Variants in SLC35E3 observed in about 807,000 individuals in gnomAD.
SLC35E3 encodes bladder cancer-overexpressed gene 1 protein.
In SLC35E3, 28 loss-of-function variants were observed where a neutral mutation model predicts 30.8. That is an observed-to-expected ratio of 0.91 (90% CI 0.67 to 1.25). The LOEUF (loss-of-function observed/expected upper bound fraction) is 1.25, where lower values mean the gene tolerates loss of function less well. SLC35E3 is among the 50% of genes most tolerant of loss of function. SLC35E3 has a pLI of 0.00. For missense variants in SLC35E3, 365 were observed against 375.4 expected, an observed-to-expected ratio of 0.97 and a Z score of 0.23; for synonymous variants, 146 against 149.2, an observed-to-expected ratio of 0.98 and a Z score of 0.16.
At position 68,746,731 on chromosome 12, in the gene SLC35E3, G is replaced by A; in HGVS notation, c.354G>A (p.Gln118=). Residue 118 remains glutamine (Q), a synonymous_variant, in exon 1 of 5, where the codon CAG becomes CAA. Transcript: ENST00000398004. ...CCACGCCGGTGATCATAGCCATCCA[G>A]ACCTTCTGCTACCAGAAAACCTTCT... ...AMTTPVIIAI[Q]TFCYQKTFST... 6.2e-7 allele frequency: 1 copy of A among 1,607,046 alleles called. No homozygotes were observed. The highest frequency in any genetic ancestry group is 8.5e-7 in the Non-Finnish European group (1 of 1,175,728).
chr12:68,759,787 G>A (rs540849150), intron 4 of SLC35E3, among the ~76,000 whole-genome samples: 159 of 152,006 alleles, frequency 1.0e-3, no homozygotes, highest in African/African-American at 3.8e-3. Context: ...TTATGTAATA[G>A]GTGACCTTTT....
At chr12:68,763,515 G>A (rs1448906436) in intron 4 of SLC35E3, among the ~76,000 whole-genome samples, 20 of 151,916 alleles carry the variant, frequency 1.3e-4, no homozygotes, top group Admixed American at 7.2e-4. Context: ...TCAGCCTCCC[G>A]AGTAGCCGGT....
intron 3 of SLC35E3, among the ~76,000 whole-genome samples, chr12:68,753,101 A>C (rs1292115156): frequency 2.2e-4 from 8 of 36,236 alleles, no homozygotes; most frequent in African/African-American, 5.0e-4. Context: ...AGCTGGGATC[A>C]CACCTGTCTC....
At chr12:68,754,714 A>G (rs1205177822) in intron 3 of SLC35E3, among the ~76,000 whole-genome samples, 1 of 152,168 alleles carries the variant, frequency 6.6e-6, no homozygotes, top group East Asian at 1.9e-4. Flanking sequence ...TCCTATGGAA[A>G]TGAGTCCCAG....
In SLC35E3 at chr12:68,771,670, A is replaced by T. The variant is rs1281869117; in HGVS notation, c.*6780A>T. ...CCCTGTCTCTACAAAAAATACAATA[A>T]TTAATAGTTTCGAAAGAAAGAAACC... is the stretch of plus-strand genomic sequence containing the variant. On this transcript the variant is annotated 3_prime_UTR_variant, in exon 5 of 5. Transcript: ENST00000398004. The T allele has an allele frequency of 6.6e-6, 1 of 152,030 alleles. No homozygotes were observed. The highest frequency in any genetic ancestry group is 1.5e-5 in the Non-Finnish European group (1 of 68,076). 9.4% of individuals were successfully genotyped at this position (152,030 alleles called of 1,614,324 possible).
At position 68,768,181 on chromosome 12, in the gene SLC35E3, C is replaced by T. The variant is rs999076010; in HGVS notation, c.*3291C>T. ...GCGGGCGCCTGTAATTCCAGCTACT[C>T]GGGAGGCTGAGACAGGAGAATCACT... is the stretch of plus-strand genomic sequence containing the variant. On this transcript the variant is annotated 3_prime_UTR_variant, in exon 5 of 5. Transcript: ENST00000398004. The T allele has an allele frequency of 5.3e-5, 8 of 151,970 alleles. No homozygotes were observed. The highest frequency in any genetic ancestry group is 1.2e-4 in the African/African-American group (5 of 41,370). The allele number at this position is 151,970 out of a possible 1,614,324, so 9.4% of individuals were successfully genotyped here. A position where few individuals can be genotyped will look rare whatever the true frequency, so the allele number is the denominator to read the frequency against.
At chr12:68,764,601 C>T (rs1879320956) in intron 4 of SLC35E3, 103 bp from the exon 5 acceptor site, 2 of 1,077,592 alleles carry the variant, frequency 1.9e-6, no homozygotes, top group Admixed American at 2.2e-5. Context: ...TTGTTCTTTA[C>T]ATCTGATGGG....
At chr12:68,752,275 T>A in intron 3 of SLC35E3, 85 bp downstream of exon 3, 2 of 1,237,646 alleles carry the variant, frequency 1.6e-6, no homozygotes, top group African/African-American at 1.5e-5. Context: ...TTCAGAGCAC[T>A]ATGTCCGATC....
Position 68,775,775 on chromosome 12 carries a change from C to T in SLC35E3, c.*10885C>T, listed in dbSNP as rs1378671062. ...CCAGCCTGGCCAACATGGTGAAACC[C>T]CGTCTCTACTAAAAATATAAAAATT... is the stretch of plus-strand genomic sequence containing the variant. On this transcript the variant is annotated 3_prime_UTR_variant, in exon 5 of 5. Coordinates refer to ENST00000398004, the MANE Select transcript of SLC35E3 (RefSeq NM_018656.5). 6.6e-6 allele frequency: 1 copy of T among 150,984 alleles called. No individual in the cohort carries two copies. Among genetic ancestry groups the T allele is most frequent in the Non-Finnish European group, 1.5e-5 (1 of 67,818 alleles). The allele number at this position is 150,984 out of a possible 1,614,324, so 9.4% of individuals were successfully genotyped here.
Position 68,779,119 on chromosome 12 carries a change from A to AAAACAG in SLC35E3, c.*14234_*14235insGAAACA. On this transcript the variant is annotated 3_prime_UTR_variant, in exon 5 of 5. Coordinates refer to ENST00000398004, the MANE Select transcript of SLC35E3 (RefSeq NM_018656.5). ...AGACTCTGTCTCAAAAACAAAAACA[A>AAAACAG]AAACAAAAAACTAGGTCTTTCTCTG... 1 of 152,620 alleles carries AAAACAG rather than the reference A, an allele frequency of 6.6e-6. No individual in the cohort carries two copies. The highest frequency in any genetic ancestry group is 1.5e-5 in the Non-Finnish European group (1 of 68,400). 9.5% of individuals were successfully genotyped at this position (152,620 alleles called of 1,614,324 possible). A position where few individuals can be genotyped will look rare whatever the true frequency, so the allele number is the denominator to read the frequency against.
rs1201230114 is a variant in SLC35E3 at position 68,772,683 on chromosome 12, A to G, written c.*7793A>G. On this transcript the variant is annotated 3_prime_UTR_variant, in exon 5 of 5. Transcript: ENST00000398004. ...CTATGCCACAAGAACAAGCATGGAT[A>G]CTTATTTAACCAGCCAAGACTATGC... 1 of 152,196 alleles carries G rather than the reference A, an allele frequency of 6.6e-6. No homozygotes were observed. The highest frequency in any genetic ancestry group is 2.1e-4 in the South Asian group (1 of 4,832). 9.4% of individuals were successfully genotyped at this position (152,196 alleles called of 1,614,324 possible).
In SLC35E3 at chr12:68,767,248, T is replaced by G. The variant is rs967036633; in HGVS notation, c.*2358T>G. 1 of 152,238 alleles carries G rather than the reference T, an allele frequency of 6.6e-6. No homozygotes were observed. The highest frequency in any genetic ancestry group is 2.4e-5 in the African/African-American group (1 of 41,470). The allele number at this position is 152,238 out of a possible 1,614,324, so 9.4% of individuals were successfully genotyped here. On this transcript the variant is annotated 3_prime_UTR_variant, in exon 5 of 5. Coordinates refer to ENST00000398004, the MANE Select transcript of SLC35E3 (RefSeq NM_018656.5). ...ATAATAAATTGAGACATATCATTAC[T>G]CTTGTAATAATTCATTTTCTAAATG...
Position 68,770,727 on chromosome 12 carries a change from A to C in SLC35E3, c.*5837A>C, listed in dbSNP as rs1356263146. On this transcript the variant is annotated 3_prime_UTR_variant, in exon 5 of 5. Transcript: ENST00000398004. The stretch of plus-strand genomic sequence containing the variant: ...TGTGGGCCTGTGGTCCCAGCTACTC[A>C]GGAGGCTGAGGCGGGAGGATCTCCT... 2 of 152,214 alleles carry C rather than the reference A, an allele frequency of 1.3e-5. No homozygotes were observed. Among genetic ancestry groups the C allele is most frequent in the East Asian group, 3.9e-4 (2 of 5,182 alleles). The allele number at this position is 152,214 out of a possible 1,614,324, so 9.4% of individuals were successfully genotyped here. A position where few individuals can be genotyped will look rare whatever the true frequency, so the allele number is the denominator to read the frequency against.
chr12:68,759,132 A>G (rs1196081247), intron 3 of SLC35E3, 25 bp from the exon 4 acceptor site: 2 of 1,515,820 alleles, frequency 1.3e-6, no homozygotes, highest in South Asian at 2.3e-5. Flanking sequence ...GCTTTGCATT[A>G]ATGGTTCTTT....
At chr12:68,758,655 C>T (rs939542398) in intron 3 of SLC35E3, among the ~76,000 whole-genome samples, 8 of 148,260 alleles carry the variant, frequency 5.4e-5, no homozygotes, top group South Asian at 2.1e-4. Flanking sequence ...GAAAAAATTA[C>T]GTTTTTTCTA....
intron 3 of SLC35E3, among the ~76,000 whole-genome samples, chr12:68,753,832 A>ACACACC (rs1017957793): frequency 6.6e-6 from 1 of 150,750 alleles, no homozygotes; most frequent in African/African-American, 2.4e-5. Context: ...ACACACACAC[A>ACACACC]CACCCCAATT....
rs1879658059 is a variant in SLC35E3 at position 68,773,411 on chromosome 12, T to G, written c.*8521T>G. ...GCTTGGAGTTTTGTTTTGTTTTTAT[T>G]TTGTTTTGTTTTGGAGATAGGTTCT... On this transcript the variant is annotated 3_prime_UTR_variant, in exon 5 of 5. Transcript: ENST00000398004. The G allele has an allele frequency of 6.6e-6, 1 of 152,128 alleles. No individual in the cohort carries two copies. The highest frequency in any genetic ancestry group is 1.5e-5 in the Non-Finnish European group (1 of 68,132). The allele number at this position is 152,128 out of a possible 1,614,324, so 9.4% of individuals were successfully genotyped here.
At chr12:68,757,245 A>C (rs1879054626) in intron 3 of SLC35E3, among the ~76,000 whole-genome samples, 1 of 152,208 alleles carries the variant, frequency 6.6e-6, no homozygotes. Flanking sequence ...GCCCACTCTT[A>C]CCACTCCTCT....
chr12:68,752,824 G>A (rs761753064), intron 3 of SLC35E3, among the ~76,000 whole-genome samples: 9 of 150,846 alleles, frequency 6.0e-5, no homozygotes, highest in African/African-American at 7.3e-5. Flanking sequence ...CCAACATGGC[G>A]AAACCCATTC....
Sources: gnomAD v4.1 joint callset for allele counts (sites outside exome capture counted in the v4.1 genomes callset) on GRCh38, gnomAD v4.1.1 for gene constraint, MANE v1.5 for transcripts, NCBI Gene and HGNC (gene_info 2026-07-23, HGNC 2026-07-21) for gene names.